CNMD: variants seen among roughly 807,000 people sequenced by gnomAD.
CNMD encodes the protein chondromodulin.
CNMD carries 30 observed loss-of-function variants against 37.5 expected under a neutral mutation model. The ratio of observed to expected loss-of-function variants is 0.80; its 90% CI spans 0.60 to 1.09. The LOEUF (loss-of-function observed/expected upper bound fraction) is 1.09, where lower values mean the gene tolerates loss of function less well. Ranked by LOEUF, CNMD falls within the 50% of genes least tolerant of loss-of-function variation. The pLI is 0.00. For missense variants in CNMD, 398 were observed against 423.9 expected, an observed-to-expected ratio of 0.94 and a Z score of 0.54; for synonymous variants, 167 against 148.2, an observed-to-expected ratio of 1.13 and a Z score of -0.92.
chr13:52,719,579 C>T (rs1333610809), intron 4 of CNMD, among the ~76,000 whole-genome samples: 1 of 152,134 alleles, frequency 6.6e-6, no homozygotes, highest in Non-Finnish European at 1.5e-5. Flanking sequence ...TTCTCCTTCA[C>T]TTATGAGGCT....
chr13:52,739,462 C>G lies in CNMD; in HGVS notation c.72+168G>C. 1 of 707,876 alleles carries G rather than the reference C, an allele frequency of 1.4e-6. No individual in the cohort carries two copies. Among genetic ancestry groups the G allele is most frequent in the South Asian group, 1.8e-5 (1 of 57,074 alleles). The allele number at this position is 707,876 out of a possible 1,614,324, so 43.8% of individuals were successfully genotyped here. ...CGCACCCGCCTGTGGATGCCGTGAC[C>G]CCTGCACACTCATACGCGTGGGGCG... is the stretch of plus-strand genomic sequence containing the variant. On this transcript the variant is annotated intron_variant, in intron 1 of 6. Transcript: ENST00000377962. The surrounding 1 kb of genome is among the most constrained non-coding windows in gnomAD (Gnocchi z 5.4).
rs1025305838 is a variant in CNMD at position 52,712,724 on chromosome 13, T to C, written c.614A>G (p.Tyr205Cys). ...ATAATTTAAAATGTTACCTTTTGGA[T>C]AGGTTGGTTTAAGCCAGAAAATAGG... Reference protein sequence around the residue: ...DLPIFWLKPTYPKEIQRERRE... With the variant: ...DLPIFWLKPTCPKEIQRERRE... The change falls in exon 5 of 7, where the codon TAT (tyrosine) becomes TGT (cysteine). Residue 205 changes from tyrosine to cysteine, a missense_variant. Tyr to Cys is a radical substitution (Grantham distance 194). Coordinates refer to ENST00000377962, the MANE Select transcript of CNMD (RefSeq NM_007015.3). 1 of 1,512,262 alleles carries C rather than the reference T, an allele frequency of 6.6e-7. No individual in the cohort carries two copies. Among genetic ancestry groups the C allele is most frequent in the Non-Finnish European group, 8.8e-7 (1 of 1,130,616 alleles). 93.7% of individuals were successfully genotyped at this position (1,512,262 alleles called of 1,614,324 possible).
chr13:52,733,060 CAGAG>C, intron 3 of CNMD, 155 bp downstream of exon 3: 1 of 701,268 alleles, frequency 1.4e-6, no homozygotes. Flanking sequence ...GGTCCTTTCT[CAGAG>C]AGAATATGCT....
intron 3 of CNMD, among the ~76,000 whole-genome samples, chr13:52,726,800 G>A (rs1237038474): frequency 1.3e-5 from 2 of 151,948 alleles, no homozygotes; most frequent in African/African-American, 4.8e-5. Context: ...TGATATTAAA[G>A]AAGCTCCGTG....
At chr13:52,715,475 A>G (rs1964360319) in intron 4 of CNMD, among the ~76,000 whole-genome samples, 1 of 152,132 alleles carries the variant, frequency 6.6e-6, no homozygotes, top group Non-Finnish European at 1.5e-5. Flanking sequence ...TACATTAGAT[A>G]TTTCTCTTAA....
intron 4 of CNMD, among the ~76,000 whole-genome samples, chr13:52,714,004 G>A (rs1363274367): frequency 6.6e-6 from 1 of 152,130 alleles, no homozygotes; most frequent in East Asian, 1.9e-4. Context: ...AGAGACACTT[G>A]CTTTCTCTAG....
At chr13:52,708,753 T>C (rs751185179) in intron 5 of CNMD, 51 bp from the exon 6 acceptor site, 2 of 1,404,498 alleles carry the variant, frequency 1.4e-6, no homozygotes, top group Admixed American at 4.3e-5. Flanking sequence ...TTAAGGAAAT[T>C]AGATCTGTGT....
chr13:52,710,487 T>C (rs1240840615), intron 5 of CNMD, among the ~76,000 whole-genome samples: 1 of 152,208 alleles, frequency 6.6e-6, no homozygotes, highest in African/African-American at 2.4e-5. Context: ...CCAGCTGTCA[T>C]TCCCCGTGTC....
chr13:52,706,873 A>T (rs956561801), intron 6 of CNMD, among the ~76,000 whole-genome samples: 3 of 151,970 alleles, frequency 2.0e-5, no homozygotes, highest in African/African-American at 7.2e-5. Context: ...TACTGTTTTT[A>T]AAAAATTTCT....
Position 52,739,579 on chromosome 13 carries a change from T to A in CNMD, c.72+51A>T. The A allele has an allele frequency of 6.6e-7, 1 of 1,517,582 alleles. No homozygotes were observed. Among genetic ancestry groups the A allele is most frequent in the Non-Finnish European group, 9.2e-7 (1 of 1,092,216 alleles). The allele number at this position is 1,517,582 out of a possible 1,614,324, so 94.0% of individuals were successfully genotyped here. On this transcript the variant is annotated intron_variant, in intron 1 of 6. Coordinates refer to ENST00000377962, the MANE Select transcript of CNMD (RefSeq NM_007015.3). This position sits in a 1 kb window ranked among gnomAD's most constrained non-coding sequence, Gnocchi z 5.4. ...ACCCCTGAGTCCGAACTGTGGAACCTGATACTCACACAACCCAGGCCCTGC... is the reference window on the plus strand; with the variant it reads ...ACCCCTGAGTCCGAACTGTGGAACCAGATACTCACACAACCCAGGCCCTGC...
intron 6 of CNMD, among the ~76,000 whole-genome samples, chr13:52,706,404 T>C (rs953764010): frequency 1.3e-5 from 2 of 152,210 alleles, no homozygotes; most frequent in African/African-American, 2.4e-5. Flanking sequence ...TACTAATAGC[T>C]AATATTGAGA....
At chr13:52,727,667 G>A (rs1964598351) in intron 3 of CNMD, among the ~76,000 whole-genome samples, 1 of 152,118 alleles carries the variant, frequency 6.6e-6, no homozygotes, top group African/African-American at 2.4e-5. Flanking sequence ...GGAACCAGAG[G>A]TCATTATGTT....
At chr13:52,725,932 A>G (rs1964564815) in intron 3 of CNMD, among the ~76,000 whole-genome samples, 5 of 152,222 alleles carry the variant, frequency 3.3e-5, no homozygotes, top group Non-Finnish European at 7.3e-5. Context: ...GCTGGTGAGT[A>G]AAGGACTGCA....
intron 3 of CNMD, among the ~76,000 whole-genome samples, chr13:52,732,386 T>C (rs546790120): frequency 3.5e-4 from 53 of 152,352 alleles, no homozygotes; most frequent in African/African-American, 9.4e-4. Context: ...AGTGACACTT[T>C]GGTTTGCAGA....
intron 3 of CNMD, among the ~76,000 whole-genome samples, chr13:52,731,461 A>G (rs9526997): frequency 0.041 from 6,172 of 152,268 alleles, 149 homozygotes; most frequent in South Asian, 0.065. Context: ...GGCTTGTTTA[A>G]ACCCATAACA....
chr13:52,718,030 G>A (rs183530534), intron 4 of CNMD, among the ~76,000 whole-genome samples: 365 of 152,184 alleles, frequency 2.4e-3, no homozygotes, highest in African/African-American at 8.4e-3. Flanking sequence ...CCTTCTTATT[G>A]GTCTATTCAG....
Position 52,712,835 on chromosome 13 carries a change from T to G in CNMD, c.503A>C (p.Asn168Thr). ...ATCTACAGCCACCCAGATAAGAGAA[T>G]TTTCTTCATATTTGACTGGCATGAT... ...GKIMPVKYEE[N>T]SLIWVAVDQP... is the part of the protein sequence containing the mutation. Residue 168 changes from asparagine to threonine, a missense_variant, in exon 5 of 7, where the codon AAT (asparagine) becomes ACT (threonine). Physicochemically the swap from Asn to Thr is moderately conservative, Grantham distance 65. Coordinates refer to ENST00000377962, the MANE Select transcript of CNMD (RefSeq NM_007015.3). 6.3e-7 allele frequency: 1 copy of G among 1,583,950 alleles called. No homozygotes were observed. The highest frequency in any genetic ancestry group is 1.2e-5 in the South Asian group (1 of 83,314).
In CNMD at chr13:52,708,937, G is replaced by A. The variant is rs1372557043; in HGVS notation, c.623-235C>T. Among the ~76,000 whole-genome samples the A allele has an allele frequency of 2.0e-5, 3 of 152,270 alleles. No individual in the cohort carries two copies. In the East Asian group the frequency reaches 5.8e-4, roughly 29 times the overall value. On this transcript the variant is annotated intron_variant, in intron 5 of 6. Transcript: ENST00000377962. ...TGTAATACTAATTGAAGATGACATT[G>A]TAAGATGGCCTGACAAACCTCAAGA...
At chr13:52,709,116 G>A (rs1290360097) in intron 5 of CNMD, among the ~76,000 whole-genome samples, 2 of 151,914 alleles carry the variant, frequency 1.3e-5, no homozygotes, top group African/African-American at 4.8e-5. Context: ...GCAGTTTCTG[G>A]GAAAGCTTTT....
Sources: allele counts gnomAD v4.1 joint callset (sites outside exome capture counted in the v4.1 genomes callset), GRCh38; gene constraint gnomAD v4.1.1; non-coding constraint Gnocchi (gnomAD v3.1); transcripts MANE v1.5; gene names NCBI Gene and HGNC (gene_info 2026-07-23, HGNC 2026-07-21).